KIR3DL2: variants seen among roughly 807,000 people sequenced by gnomAD.
KIR3DL2 encodes killer cell immunoglobulin-like receptor 3DL2.
KIR3DL2 carries 42 observed loss-of-function variants against 41.6 expected under a neutral mutation model. The ratio of observed to expected loss-of-function variants is 1.01; its 90% CI spans 0.79 to 1.31. The LOEUF is 1.31. Among genes scored for constraint, KIR3DL2 ranks in the 50% most tolerant of loss-of-function variants. KIR3DL2 has a pLI of 0.00. For missense variants in KIR3DL2, 728 were observed against 576.8 expected, an observed-to-expected ratio of 1.26 and a Z score of -2.68; for synonymous variants, 230 against 221.3, an observed-to-expected ratio of 1.04 and a Z score of -0.35.
At position 54,855,612 on chromosome 19, in the gene KIR3DL2, C is replaced by T; in HGVS notation, c.656-7C>T. 5.0e-6 allele frequency: 8 copies of T among 1,609,640 alleles called. No individual in the cohort carries two copies. In the South Asian group the frequency reaches 8.8e-5, roughly 18 times the overall value. On this transcript the variant is annotated splice_region_variant and splice_polypyrimidine_tract_variant and intron_variant, in intron 4 of 8. Coordinates refer to ENST00000326321, the MANE Select transcript of KIR3DL2 (RefSeq NM_006737.4). ...CTCCCTGAGGAAACTGCCTCTTCTC[C>T]TTCCAGGTCTATATGAGAAACCTTC...
intron 5 of KIR3DL2, among the ~76,000 whole-genome samples, chr19:54,857,193 G>A (rs1178431662): frequency 1.3e-5 from 2 of 151,096 alleles, no homozygotes; most frequent in Admixed American, 6.6e-5. Context: ...AGGTTCAAAC[G>A]ATTCTCCTGA....
At chr19:54,864,485 A>T (rs969315350) in intron 6 of KIR3DL2, among the ~76,000 whole-genome samples, 2 of 152,114 alleles carry the variant, frequency 1.3e-5, no homozygotes, top group African/African-American at 4.8e-5. Flanking sequence ...CTTCCTACCC[A>T]TGAGCATGGA....
At position 54,852,030 on chromosome 19, in the gene KIR3DL2, C is replaced by T; in HGVS notation, c.103C>T (p.Pro35Ser). 6.2e-7 allele frequency: 1 copy of T among 1,611,540 alleles called. No individual in the cohort carries two copies. Among genetic ancestry groups the T allele is most frequent in the Non-Finnish European group, 8.5e-7 (1 of 1,178,728 alleles). Residue 35 changes from proline to serine, a missense_variant, in exon 3 of 9, where the codon CCC (proline) becomes TCC (serine). Pro to Ser is a moderately conservative substitution (Grantham distance 74). Coordinates refer to ENST00000326321, the MANE Select transcript of KIR3DL2 (RefSeq NM_006737.4). ...GGACAAACCCTTCCTGTCTGCCCGG[C>T]CCAGCACTGTGGTGCCTCGAGGAGG... ...GQDKPFLSARPSTVVPRGGHV... is the reference protein window; with the variant it reads ...GQDKPFLSARSSTVVPRGGHV...
Position 54,852,369 on chromosome 19 carries a change from C to T in KIR3DL2, c.355+87C>T, listed in dbSNP as rs540591582. 3.5e-5 allele frequency: 54 copies of T among 1,535,510 alleles called. 1 individual carries two copies. The highest frequency in any genetic ancestry group is 8.0e-5 in the South Asian group (7 of 87,060). ...GGGGGTGTCCATCAGGGTCCCATCA[C>T]CCAGGCCCCAACTGTATTTGGGGTC... On this transcript the variant is annotated intron_variant, in intron 3 of 8. Transcript: ENST00000326321.
chr19:54,856,867 A>T (rs1251388541), intron 5 of KIR3DL2, among the ~76,000 whole-genome samples: 2 of 152,028 alleles, frequency 1.3e-5, no homozygotes, highest in Admixed American at 6.5e-5. Flanking sequence ...AAATGACAGG[A>T]TGTTATTGTT....
intron 7 of KIR3DL2, 137 bp from the exon 8 acceptor site, chr19:54,866,233 A>G: frequency 5.9e-6 from 5 of 842,180 alleles, no homozygotes; most frequent in Non-Finnish European, 9.7e-6. Context: ...TCAGAGAGAT[A>G]GAATGTCTGA....
rs2145546728 is a variant in KIR3DL2 at position 54,851,310 on chromosome 19, T to A, written c.70+55T>A. ...ATCTCCCCACATAAGAGGATTTTTC[T>A]GAAACAGGAGGGAAGTCCTGTCGGG... On this transcript the variant is annotated intron_variant, in intron 2 of 8. Coordinates refer to ENST00000326321, the MANE Select transcript of KIR3DL2 (RefSeq NM_006737.4). The A allele has an allele frequency of 8.9e-6, 14 of 1,576,052 alleles. No homozygotes were observed. The South Asian group carries it at 1.5e-4, about 17-fold the overall frequency.
At chr19:54,855,281 AATAG>A (rs1410459898) in intron 4 of KIR3DL2, among the ~76,000 whole-genome samples, 2 of 151,142 alleles carry the variant, frequency 1.3e-5, no homozygotes, top group Admixed American at 6.6e-5. Flanking sequence ...ATAGATAGAT[AATAG>A]ATAGAAATAT....
intron 6 of KIR3DL2, among the ~76,000 whole-genome samples, chr19:54,860,215 T>A (rs1045275428): frequency 6.6e-6 from 1 of 152,142 alleles, no homozygotes. Flanking sequence ...TCTCCTGCCT[T>A]CCACAAACAG....
chr19:54,859,939 C>G (rs1433157375), intron 6 of KIR3DL2, among the ~76,000 whole-genome samples: 1 of 151,970 alleles, frequency 6.6e-6, no homozygotes, highest in African/African-American at 2.4e-5. Flanking sequence ...TGGCATCACT[C>G]AGACCCTTCT....
In KIR3DL2 at chr19:54,851,816, T is replaced by C. The variant is rs1175675639; in HGVS notation, c.71-182T>C. Among the ~76,000 whole-genome samples the C allele has an allele frequency of 2.6e-5, 4 of 151,852 alleles. No individual in the cohort carries two copies. In the East Asian group the frequency reaches 7.7e-4, roughly 29 times the overall value. On this transcript the variant is annotated intron_variant, in intron 2 of 8. Coordinates refer to ENST00000326321, the MANE Select transcript of KIR3DL2 (RefSeq NM_006737.4). ...CACTTATTCAGCACTTGCTCAAAGT[T>C]CTCAGCTGACACTTGTTGTAGGGAG...
At chr19:54,863,632 T>G (rs2065323514) in intron 6 of KIR3DL2, among the ~76,000 whole-genome samples, 2 of 152,140 alleles carry the variant, frequency 1.3e-5, no homozygotes, top group South Asian at 4.1e-4. Flanking sequence ...TTTCATGTGT[T>G]TTTTGGCTGC....
intron 6 of KIR3DL2, among the ~76,000 whole-genome samples, chr19:54,865,192 A>T (rs1469715902): frequency 6.6e-6 from 1 of 152,034 alleles, no homozygotes. Context: ...CCAGCCTTGC[A>T]TCCCAGAGCC....
At chr19:54,863,258 T>C (rs1297817673) in intron 6 of KIR3DL2, among the ~76,000 whole-genome samples, 1 of 151,984 alleles carries the variant, frequency 6.6e-6, no homozygotes. Context: ...TCTATCATTG[T>C]TGGACATTTG....
At position 54,866,933 on chromosome 19, in the gene KIR3DL2, T is replaced by A; in HGVS notation, c.*202T>A. ...CACTCCTTTGCTTAGCCCACAAGTA[T>A]CTATTTCACTTGACCCCTGCCCACC... On this transcript the variant is annotated 3_prime_UTR_variant, in exon 9 of 9. Transcript: ENST00000326321. 2 of 644,854 alleles carry A rather than the reference T, an allele frequency of 3.1e-6. No homozygotes were observed. Among genetic ancestry groups the A allele is most frequent in the South Asian group, 2.0e-5 (1 of 50,408 alleles). The allele number at this position is 644,854 out of a possible 1,614,324, so 39.9% of individuals were successfully genotyped here.
intron 5 of KIR3DL2, among the ~76,000 whole-genome samples, chr19:54,857,502 T>C (rs1252042062): frequency 6.6e-6 from 1 of 151,072 alleles, no homozygotes; most frequent in African/African-American, 2.5e-5. Context: ...CTTGCCAGCA[T>C]TTGTTTTGCC....
At chr19:54,860,700 T>A (rs1222670282) in intron 6 of KIR3DL2, among the ~76,000 whole-genome samples, 3 of 150,704 alleles carry the variant, frequency 2.0e-5, no homozygotes, top group Non-Finnish European at 4.4e-5. Context: ...TAATAGATAA[T>A]GCTGAGTGTA....
rs1231183768 is a variant in KIR3DL2, at chr19:54,865,901, A to G, written c.1097A>G (p.Asn366Ser). ...LFFLLYRWCS[N>S]KKNAAVMDQE... is the part of the protein sequence containing the mutation. ...TTTCTCCTTTATCGCTGGTGCTCCA[A>G]CAAAAAGAGTAAGTCTCACGAAGCA... Residue 366 changes from asparagine (N) to serine (S), a missense_variant, in exon 7 of 9, where the codon AAC becomes AGC. Coordinates refer to ENST00000326321, the MANE Select transcript of KIR3DL2 (RefSeq NM_006737.4). 1.9e-6 allele frequency: 3 copies of G among 1,612,224 alleles called. No individual in the cohort carries two copies. The highest frequency in any genetic ancestry group is 2.2e-5 in the South Asian group (2 of 91,050).
intron 6 of KIR3DL2, among the ~76,000 whole-genome samples, chr19:54,865,159 T>C (rs1264888165): frequency 6.6e-6 from 1 of 152,052 alleles, no homozygotes; most frequent in East Asian, 1.9e-4. Context: ...ATGGATTACA[T>C]TTATTGATTT....
Sources: allele counts gnomAD v4.1 joint callset (sites outside exome capture counted in the v4.1 genomes callset), GRCh38; gene constraint gnomAD v4.1.1; transcripts MANE v1.5; gene names NCBI Gene and HGNC (gene_info 2026-07-23, HGNC 2026-07-21).